The following F13B variants were observed in gnomAD, a reference collection of about 807,000 sequenced individuals.
F13B encodes the protein coagulation factor XIII B chain.
F13B carries 58 observed loss-of-function variants against 79.8 expected under a neutral mutation model. That is an observed-to-expected ratio of 0.73 (90% confidence interval 0.59 to 0.90). The LOEUF is 0.90. Ranked by LOEUF, F13B falls within the 40% of genes least tolerant of loss-of-function variation. F13B has a pLI of 0.00. For missense variants in F13B, 773 were observed against 777.0 expected, an observed-to-expected ratio of 0.99 and a Z score of 0.06; for synonymous variants, 283 against 260.3, an observed-to-expected ratio of 1.09 and a Z score of -0.84.
intron 10 of F13B, among the ~76,000 whole-genome samples, chr1:197,050,355 TTTCTA>T (rs1655398856): frequency 6.6e-6 from 1 of 152,170 alleles, no homozygotes; most frequent in Admixed American, 6.6e-5. Flanking sequence ...TCCGCATTGT[TTTCTA>T]TTATACATGT....
chr1:197,040,266 T>C (rs1654987690), intron 11 of F13B: 4 of 437,698 alleles, frequency 9.1e-6, no homozygotes, highest in Non-Finnish European at 1.6e-5. Context: ...TATAAATTGG[T>C]TTATTTTTCC....
At chr1:197,045,719 G>C (rs1438172422) in intron 10 of F13B, among the ~76,000 whole-genome samples, 2 of 151,722 alleles carry the variant, frequency 1.3e-5, no homozygotes, top group Non-Finnish European at 1.5e-5. Context: ...ACAAAAAACA[G>C]AATTTAGACC....
At chr1:197,051,089 T>C (rs1437298796) in intron 9 of F13B, among the ~76,000 whole-genome samples, 1 of 152,054 alleles carries the variant, frequency 6.6e-6, no homozygotes, top group South Asian at 2.1e-4. Context: ...ATTTTTCTTT[T>C]GTAGAGACAG....
intron 10 of F13B, among the ~76,000 whole-genome samples, chr1:197,042,914 C>G (rs571481567): frequency 6.6e-6 from 1 of 150,892 alleles, no homozygotes; most frequent in African/African-American, 2.4e-5. Context: ...GAATGGTAAG[C>G]TTAGGCATAC....
chr1:197,064,307 A>G (rs543179228), intron 1 of F13B, among the ~76,000 whole-genome samples: 4 of 152,220 alleles, frequency 2.6e-5, no homozygotes, highest in South Asian at 4.1e-4. Context: ...AAAAGCACAT[A>G]TTTGTATACC....
At chr1:197,046,934 T>C (rs1409631561) in intron 10 of F13B, among the ~76,000 whole-genome samples, 2 of 152,104 alleles carry the variant, frequency 1.3e-5, no homozygotes, top group Non-Finnish European at 2.9e-5. Flanking sequence ...TCATAAATGG[T>C]GTTGGGAAAA....
chr1:197,047,270 G>C (rs1655267830), intron 10 of F13B, among the ~76,000 whole-genome samples: 1 of 152,116 alleles, frequency 6.6e-6, no homozygotes, highest in Non-Finnish European at 1.5e-5. Flanking sequence ...ATCTGACAAA[G>C]AGCTACCATC....
rs769200824 is a variant in F13B, at chr1:197,040,672, T to C, written c.1802A>G (p.Asp601Gly). 4 of 1,612,896 alleles carry C rather than the reference T, an allele frequency of 2.5e-6. No individual in the cohort carries two copies. In the African/African-American group the frequency reaches 5.3e-5, roughly 22 times the overall value. ...KNNLLLKWDF[D>G]NRPHILHGEY... ...ACCATGCAAAATGTGTGGTCTATTG[T>C]CAAAATCCCATTTCAGAAGTAAATT... Residue 601 changes from aspartate to glycine, a missense_variant, in exon 11 of 12, where the codon GAC becomes GGC. Asp to Gly is a moderately conservative substitution (Grantham distance 94). Coordinates refer to ENST00000367412, the MANE Select transcript of F13B (RefSeq NM_001994.3).
Position 197,039,159 on chromosome 1 carries a change from T to C in F13B, c.*219A>G, listed in dbSNP as rs1454861369. 3 of 515,270 alleles carry C rather than the reference T, an allele frequency of 5.8e-6. No homozygotes were observed. Among genetic ancestry groups the C allele is most frequent in the South Asian group, 2.6e-5 (1 of 38,892 alleles). 31.9% of individuals were successfully genotyped at this position (515,270 alleles called of 1,614,324 possible). On this transcript the variant is annotated 3_prime_UTR_variant, in exon 12 of 12. Coordinates refer to ENST00000367412, the MANE Select transcript of F13B (RefSeq NM_001994.3). ...ATTAATTTGTAACAGATGGAAGACA[T>C]ACAAAAGAGATTAAGTTCTACATCA...
At chr1:197,042,830 A>G (rs1019326002) in intron 10 of F13B, among the ~76,000 whole-genome samples, 2 of 150,888 alleles carry the variant, frequency 1.3e-5, no homozygotes, top group Non-Finnish European at 2.9e-5. Context: ...AAAAAAAAAA[A>G]AATTCTATGT....
At chr1:197,067,032 A>G (rs1281628935) in intron 1 of F13B, 128 bp downstream of exon 1, 1 of 488,614 alleles carries the variant, frequency 2.0e-6, no homozygotes, top group East Asian at 3.7e-5. Flanking sequence ...ATAAAAAGTT[A>G]TATTTATAAA....
At chr1:197,062,709 C>A in intron 2 of F13B, 148 bp downstream of exon 2, 1 of 739,034 alleles carries the variant, frequency 1.4e-6, no homozygotes, top group South Asian at 1.6e-5. Flanking sequence ...TCAAATTATG[C>A]CTTCATTTTG....
chr1:197,061,470 C>T (rs998050230), intron 3 of F13B, among the ~76,000 whole-genome samples: 1 of 152,132 alleles, frequency 6.6e-6, no homozygotes, highest in African/African-American at 2.4e-5. Flanking sequence ...AAATAATGTA[C>T]ATGATCTTAA....
At chr1:197,048,437 A>G (rs1208191314) in intron 10 of F13B, among the ~76,000 whole-genome samples, 1 of 152,050 alleles carries the variant, frequency 6.6e-6, no homozygotes, top group Non-Finnish European at 1.5e-5. Flanking sequence ...AGGGATGGAA[A>G]AATGTGTACT....
chr1:197,064,525 A>G (rs1018527775), intron 1 of F13B, among the ~76,000 whole-genome samples: 1 of 152,188 alleles, frequency 6.6e-6, no homozygotes, highest in African/African-American at 2.4e-5. Flanking sequence ...GAATTAATGT[A>G]TACATTTGCA....
chr1:197,046,436 A>G (rs1017377129), intron 10 of F13B, among the ~76,000 whole-genome samples: 2 of 152,190 alleles, frequency 1.3e-5, no homozygotes, highest in Admixed American at 6.5e-5. Context: ...AGAATAAAAT[A>G]CCTAGGAATC....
At chr1:197,066,606 C>A (rs994675400) in intron 1 of F13B, among the ~76,000 whole-genome samples, 1 of 152,176 alleles carries the variant, frequency 6.6e-6, no homozygotes, top group Admixed American at 6.6e-5. Flanking sequence ...CTCTTTTACT[C>A]TCTAAGTGTC....
chr1:197,055,946 C>T (rs1292714344), intron 7 of F13B, 49 bp from the exon 8 acceptor site: 3 of 1,390,108 alleles, frequency 2.2e-6, no homozygotes, highest in African/African-American at 1.4e-5. Flanking sequence ...TAACAATATA[C>T]TATAGTAACT....
chr1:197,060,266 G>A, intron 5 of F13B, 100 bp downstream of exon 5: 2 of 834,716 alleles, frequency 2.4e-6, no homozygotes, highest in Non-Finnish European at 3.8e-6. Context: ...TAGGACTCAG[G>A]AAAAAAAATA....
Sources: allele counts gnomAD v4.1 joint callset (sites outside exome capture counted in the v4.1 genomes callset), GRCh38; gene constraint gnomAD v4.1.1; transcripts MANE v1.5; gene names NCBI Gene and HGNC (gene_info 2026-07-23, HGNC 2026-07-21).